The following KAZN variants were observed in gnomAD, a reference collection of about 807,000 sequenced individuals.
The protein encoded by KAZN is kazrin.
A neutral mutation model predicts 87.4 loss-of-function variants in KAZN; 40 were observed. That is an observed-to-expected ratio of 0.46 (90% CI 0.36 to 0.60). The LOEUF (loss-of-function observed/expected upper bound fraction) is 0.60, where lower values mean the gene tolerates loss of function less well. Among genes scored for constraint, KAZN ranks in the 20% least tolerant of loss-of-function variants. The pLI, the probability that KAZN is intolerant of heterozygous loss-of-function variation, is 0.00. For missense variants in KAZN, 898 were observed against 1,073.9 expected (o/e 0.84, Z 2.29); for synonymous variants, 466 against 458.3 (o/e 1.02, Z -0.22).
chr1:14,513,127 G>A (rs1671004544), intron 2 of KAZN, among the ~76,000 whole-genome samples: 1 of 152,164 alleles, frequency 6.6e-6, no homozygotes, highest in Admixed American at 6.5e-5. Context: ...GATGTCTCCA[G>A]GCACACTCCC....
intron 2 of KAZN, among the ~76,000 whole-genome samples, chr1:15,018,600 TAAAA>T (rs3037647): frequency 2.0e-5 from 3 of 146,608 alleles, no homozygotes; most frequent in Non-Finnish European, 4.5e-5. Flanking sequence ...GGAGTTGATT[TAAAA>T]AAAAAAAAAC....
intron 2 of KAZN, among the ~76,000 whole-genome samples, chr1:14,533,218 TG>T (rs1372299950): frequency 1.3e-5 from 2 of 152,204 alleles, no homozygotes; most frequent in Non-Finnish European, 2.9e-5. Context: ...CACTGAGTTA[TG>T]AAGTCATTAA....
intron 2 of KAZN, among the ~76,000 whole-genome samples, chr1:15,016,801 G>C: frequency 6.6e-6 from 1 of 152,100 alleles, no homozygotes; most frequent in East Asian, 1.9e-4. Context: ...TCTTCCTCTC[G>C]GCATGTATGG....
chr1:14,793,381 TC>T (rs1195699842), intron 1 of KAZN, among the ~76,000 whole-genome samples: 2 of 152,148 alleles, frequency 1.3e-5, no homozygotes. Flanking sequence ...GTGGCTGACT[TC>T]TGCAGCGCCT....
At chr1:14,646,522 C>T (rs559755826) in intron 1 of KAZN, among the ~76,000 whole-genome samples, 53 of 152,124 alleles carry the variant, frequency 3.5e-4, no homozygotes, top group Non-Finnish European at 5.1e-4. Flanking sequence ...CCAAGGTATC[C>T]CCTTTGTTGG....
At chr1:14,759,528 T>A (rs565408393) in intron 1 of KAZN, among the ~76,000 whole-genome samples, 21 of 152,308 alleles carry the variant, frequency 1.4e-4, no homozygotes, top group South Asian at 2.1e-4. Context: ...TCCCAATTTT[T>A]ATAACCCTCA....
At chr1:15,013,670 G>A (rs561338001) in intron 2 of KAZN, among the ~76,000 whole-genome samples, 3 of 151,986 alleles carry the variant, frequency 2.0e-5, no homozygotes, top group Admixed American at 6.5e-5. Context: ...CGGGAGAATC[G>A]CTTGAGCCTG....
chr1:14,884,209 T>C (rs1161111580), intron 1 of KAZN, among the ~76,000 whole-genome samples: 1 of 152,056 alleles, frequency 6.6e-6, no homozygotes, highest in East Asian at 1.9e-4. Flanking sequence ...CTGGCCAACA[T>C]GGTGGAACCC....
At chr1:14,690,636 T>C (rs1455576912) in intron 1 of KAZN, among the ~76,000 whole-genome samples, 1 of 152,178 alleles carries the variant, frequency 6.6e-6, no homozygotes, top group African/African-American at 2.4e-5. Flanking sequence ...CAAGAAGGAA[T>C]GCTGCTTCTA....
intron 2 of KAZN, among the ~76,000 whole-genome samples, chr1:14,992,315 G>A (rs994368594): frequency 6.6e-6 from 1 of 152,194 alleles, no homozygotes; most frequent in South Asian, 2.1e-4. Flanking sequence ...CTCCTGCAGT[G>A]GAGGGCAGAC....
intron 1 of KAZN, among the ~76,000 whole-genome samples, chr1:14,798,801 C>A (rs1319357065): frequency 1.3e-5 from 2 of 151,702 alleles, no homozygotes; most frequent in Non-Finnish European, 2.9e-5. Context: ...GGCTCTGTCA[C>A]CCAGGCTGGA....
chr1:14,090,206 C>T (rs182523019), intron 1 of KAZN, among the ~76,000 whole-genome samples: 1 of 151,768 alleles, frequency 6.6e-6, no homozygotes, highest in Admixed American at 6.6e-5. Flanking sequence ...TTAAATGTTC[C>T]TTCCCTCATC....
rs138345634 is a variant in KAZN at position 14,172,427 on chromosome 1, C to T, written c.92-8008C>T. On this transcript the variant is annotated intron_variant, in intron 1 of 16. Coordinates refer to the KAZN transcript ENST00000636203. ...CCTTTTGGGCAAATATTTGTTTGTT[C>T]GAGCACTATTATGTGCCAGGTCCTA... Among the ~76,000 whole-genome samples, 36 of 152,212 alleles carry T rather than the reference C, an allele frequency of 2.4e-4. No individual in the cohort carries two copies. In the East Asian group the frequency reaches 5.4e-3, roughly 23 times the overall value.
intron 1 of KAZN, among the ~76,000 whole-genome samples, chr1:14,756,967 T>C (rs1202370962): frequency 6.6e-6 from 1 of 152,226 alleles, no homozygotes; most frequent in Non-Finnish European, 1.5e-5. Context: ...CCTTTACCTT[T>C]TAATTTGTGC....
intron 3 of KAZN, among the ~76,000 whole-genome samples, chr1:15,040,802 CA>C (rs1672812684): frequency 6.6e-6 from 1 of 150,990 alleles, no homozygotes. Flanking sequence ...CAAAAACAAA[CA>C]AACAAAAAAC....
At chr1:14,676,066 C>T (rs945379697) in intron 1 of KAZN, among the ~76,000 whole-genome samples, 1 of 152,140 alleles carries the variant, frequency 6.6e-6, no homozygotes, top group African/African-American at 2.4e-5. Context: ...TGACCAGCAC[C>T]TGCAACTTGA....
chr1:14,749,608 A>G (rs1234272532), intron 1 of KAZN, among the ~76,000 whole-genome samples: 1 of 152,200 alleles, frequency 6.6e-6, no homozygotes, highest in Non-Finnish European at 1.5e-5. Context: ...GGAGGAAGGC[A>G]GGCTACAGGG....
intron 1 of KAZN, among the ~76,000 whole-genome samples, chr1:14,874,998 C>CTCCATGTT (rs1652591868): frequency 6.6e-6 from 1 of 152,040 alleles, no homozygotes; most frequent in Admixed American, 6.6e-5. Context: ...CTGGAGATTC[C>CTCCATGTT]TCCATGTTAA....
intron 1 of KAZN, among the ~76,000 whole-genome samples, chr1:13,960,149 A>T (rs1014509367): frequency 1.3e-5 from 2 of 152,196 alleles, no homozygotes; most frequent in African/African-American, 4.8e-5. Flanking sequence ...ATGGAGGAAA[A>T]GCAATAATAA....
Sources: allele counts gnomAD v4.1 joint callset (sites outside exome capture counted in the v4.1 genomes callset), GRCh38; gene constraint gnomAD v4.1.1; transcripts MANE v1.5; gene names NCBI Gene and HGNC (gene_info 2026-07-23, HGNC 2026-07-21).